Variants in OPHN1 observed in about 807,000 individuals in gnomAD.
OPHN1 encodes oligophrenin 1.
A neutral mutation model predicts 60.7 loss-of-function variants in OPHN1; 11 were observed. That is an observed-to-expected ratio of 0.18 (90% CI 0.11 to 0.30). The LOEUF (loss-of-function observed/expected upper bound fraction) is 0.30, where lower values mean the gene tolerates loss of function less well. OPHN1 is among the 10% of genes least tolerant of loss of function. The probability of loss-of-function intolerance (pLI) is 1.00; values close to 1 mark genes in which losing one functional copy is unlikely to be tolerated. For missense variants in OPHN1, 449 were observed against 611.0 expected, an observed-to-expected ratio of 0.73 and a Z score of 2.80; for synonymous variants, 226 against 222.6, an observed-to-expected ratio of 1.02 and a Z score of -0.14.
At chrX:68,393,881 C>CTTTGT in intron 2 of OPHN1, among the ~76,000 whole-genome samples, 1 of 25,614 alleles carries the variant, frequency 3.9e-5, no homozygotes, top group Non-Finnish European at 1.3e-4. Context: ...ATCCAATAGA[C>CTTTGT]TTTGTTTTTT....
chrX:68,200,519 C>A (rs771927270), intron 11 of OPHN1, among the ~76,000 whole-genome samples: 1 of 111,364 alleles, frequency 9.0e-6, no homozygotes, highest in Non-Finnish European at 1.9e-5. Context: ...CTGAGGCTAT[C>A]AGGAAAATGA....
intron 2 of OPHN1, among the ~76,000 whole-genome samples, chrX:68,352,708 C>G (rs185395489): frequency 2.8e-4 from 31 of 111,942 alleles, no homozygotes; most frequent in Non-Finnish European, 5.4e-4. Flanking sequence ...AATGTCAGAA[C>G]TAGAAAGGGT....
intron 6 of OPHN1, among the ~76,000 whole-genome samples, chrX:68,222,634 T>C (rs1246373496): frequency 9.3e-6 from 1 of 107,503 alleles, no homozygotes; most frequent in Non-Finnish European, 1.9e-5. Flanking sequence ...TGTAGGGACA[T>C]GGATGAAATT....
At chrX:68,425,559 T>G (rs181992817) in intron 2 of OPHN1, among the ~76,000 whole-genome samples, 1 of 111,590 alleles carries the variant, frequency 9.0e-6, no homozygotes, top group Non-Finnish European at 1.9e-5. Flanking sequence ...ACTCACCAGA[T>G]AGGTGCTCCG....
intron 15 of OPHN1, among the ~76,000 whole-genome samples, chrX:68,132,326 T>G (rs1319221181): frequency 9.5e-6 from 1 of 104,772 alleles, no homozygotes; most frequent in African/African-American, 3.5e-5. Context: ...TAGACTGGAT[T>G]AAGAAAATGT....
chrX:68,170,545 A>G (rs2077385007), intron 15 of OPHN1, among the ~76,000 whole-genome samples: 1 of 110,277 alleles, frequency 9.1e-6, no homozygotes, highest in African/African-American at 3.3e-5. Context: ...ATGTCCAACA[A>G]TGATAGACTG....
chrX:68,167,525 GTGTGTGTATA>G (rs1264439640), intron 15 of OPHN1, among the ~76,000 whole-genome samples: 2 of 107,551 alleles, frequency 1.9e-5, no homozygotes, highest in African/African-American at 3.4e-5. Flanking sequence ...ATGTGTGTGT[GTGTGTGTATA>G]TGTGTGTATA....
Position 68,148,385 on chromosome X carries a change from G to A in OPHN1, c.1277-29053C>T, listed in dbSNP as rs143762611. On this transcript the variant is annotated intron_variant, in intron 15 of 24. Coordinates refer to ENST00000355520, the MANE Select transcript of OPHN1 (RefSeq NM_002547.3). ...TTGGAATTTTTCTTTTCCAGCCTGTGTTATCATATCTCCTCAGGGCTGCCA... is the reference window on the plus strand; with the variant it reads ...TTGGAATTTTTCTTTTCCAGCCTGTATTATCATATCTCCTCAGGGCTGCCA... 3.5e-4 allele frequency among the ~76,000 whole-genome samples: 39 copies of A among 110,570 alleles called. No individual in the cohort carries two copies. The East Asian group carries it at 0.011, about 31-fold the overall frequency.
rs2076855791 is a variant in OPHN1 at position 68,052,394 on chromosome X, C to G, written c.2375+146G>C. On this transcript the variant is annotated intron_variant, in intron 23 of 24. Coordinates refer to ENST00000355520, the MANE Select transcript of OPHN1 (RefSeq NM_002547.3). The stretch of plus-strand genomic sequence containing the variant: ...TGACAGACAGATAGGGATGGAGAGA[C>G]AGAATTGGGGAAGAGAAAGTGACAG... 2.9e-5 allele frequency: 16 copies of G among 551,042 alleles called. No individual in the cohort carries two copies. The South Asian group carries it at 4.2e-4, about 14-fold the overall frequency. 45.4% of individuals were successfully genotyped at this position (551,042 alleles called of 1,213,427 possible).
intron 5 of OPHN1, among the ~76,000 whole-genome samples, chrX:68,240,309 C>T (rs903691022): frequency 7.2e-5 from 8 of 111,847 alleles, no homozygotes; most frequent in Admixed American, 1.9e-4. Context: ...TTACAATAAG[C>T]ACATGTTTTT....
intron 2 of OPHN1, among the ~76,000 whole-genome samples, chrX:68,396,510 T>G (rs1191726141): frequency 9.1e-6 from 1 of 109,546 alleles, no homozygotes; most frequent in Non-Finnish European, 1.9e-5. Flanking sequence ...CAGGGAGTCC[T>G]TGACTCTGAA....
At chrX:68,159,158 A>T (rs868334162) in intron 15 of OPHN1, among the ~76,000 whole-genome samples, 1 of 112,000 alleles carries the variant, frequency 8.9e-6, no homozygotes, top group Non-Finnish European at 1.9e-5. Flanking sequence ...TTTTTATTTA[A>T]AACAGAGTGT....
At chrX:68,217,873 TCTC>T (rs1264918042) in intron 6 of OPHN1, among the ~76,000 whole-genome samples, 8 of 102,999 alleles carry the variant, frequency 7.8e-5, no homozygotes, top group Non-Finnish European at 1.0e-4. Context: ...GCAGAGCGCC[TCTC>T]CTCCTCCAAA....
chrX:68,221,707 G>T (rs944402339), intron 6 of OPHN1, among the ~76,000 whole-genome samples: 1 of 96,344 alleles, frequency 1.0e-5, no homozygotes, highest in African/African-American at 3.7e-5. Context: ...AATGGTGCTG[G>T]GAAAACTGGC....
chrX:68,185,343 T>G (rs962405427), intron 15 of OPHN1, among the ~76,000 whole-genome samples: 3 of 112,148 alleles, frequency 2.7e-5, no homozygotes, highest in African/African-American at 9.7e-5. Flanking sequence ...CAAAAAGTAT[T>G]CATTAATTCC....
chrX:68,247,046 A>G (rs1042770800), intron 5 of OPHN1, among the ~76,000 whole-genome samples: 1 of 111,479 alleles, frequency 9.0e-6, no homozygotes, highest in African/African-American at 3.3e-5. Flanking sequence ...GGCAACGCGT[A>G]CTTTGAAAAC....
At chrX:68,185,042 T>C (rs1251626094) in intron 15 of OPHN1, among the ~76,000 whole-genome samples, 1 of 112,599 alleles carries the variant, frequency 8.9e-6, no homozygotes, top group Admixed American at 9.3e-5. Context: ...CTACACAGTT[T>C]AAATGAAGAA....
At chrX:68,100,635 A>C (rs2077054374) in intron 18 of OPHN1, among the ~76,000 whole-genome samples, 1 of 111,710 alleles carries the variant, frequency 9.0e-6, no homozygotes, top group Admixed American at 9.5e-5. Flanking sequence ...ACATAATAAA[A>C]AATTCTTCAA....
chrX:68,343,658 C>T (rs5965554), intron 2 of OPHN1, among the ~76,000 whole-genome samples: 8,904 of 108,911 alleles, frequency 0.082, 911 homozygotes, highest in African/African-American at 0.28. Context: ...GATAAGAATA[C>T]CTAAAAAGTC....
Sources: allele counts gnomAD v4.1 joint callset (sites outside exome capture counted in the v4.1 genomes callset), GRCh38; gene constraint gnomAD v4.1.1; transcripts MANE v1.5; gene names NCBI Gene and HGNC (gene_info 2026-07-23, HGNC 2026-07-21).